IGF1R: variants seen among roughly 807,000 people sequenced by gnomAD.
The protein encoded by IGF1R is insulin-like growth factor 1 receptor.
IGF1R carries 44 observed loss-of-function variants against 144.6 expected under a neutral mutation model. The ratio of observed to expected loss-of-function variants is 0.30; its 90% CI spans 0.24 to 0.39. IGF1R has a LOEUF of 0.39. Ranked by LOEUF, IGF1R falls within the 10% of genes least tolerant of loss-of-function variation. The pLI is 1.00. For synonymous variants in IGF1R, 795 were observed against 722.8 expected (o/e 1.10, Z -1.60); for missense variants, 1,355 against 1,833.7 (o/e 0.74, Z 4.77).
At chr15:98,869,849 T>C (rs1329682634) in intron 2 of IGF1R, among the ~76,000 whole-genome samples, 1 of 152,244 alleles carries the variant, frequency 6.6e-6, no homozygotes, top group African/African-American at 2.4e-5. Context: ...AGTTTGCCTA[T>C]GTAGTCGTCC....
At chr15:98,737,281 A>G (rs145895789) in intron 2 of IGF1R, among the ~76,000 whole-genome samples, 621 of 152,280 alleles carry the variant, frequency 4.1e-3, no homozygotes, top group Middle Eastern at 6.8e-3. Context: ...CCAGCGTGGC[A>G]TTCTCTCTGG....
chr15:98,895,174 T>C (rs1045666495), intron 3 of IGF1R, among the ~76,000 whole-genome samples: 8 of 150,858 alleles, frequency 5.3e-5, no homozygotes, highest in African/African-American at 2.0e-4. Context: ...TGTATCTTGA[T>C]TGTAGTTGTG....
intron 2 of IGF1R, among the ~76,000 whole-genome samples, chr15:98,827,314 G>T (rs572291086): frequency 3.3e-5 from 5 of 152,310 alleles, no homozygotes; most frequent in Admixed American, 1.3e-4. Context: ...ACTATGCCCT[G>T]TAACCTCGTT....
chr15:98,903,071 A>G (rs1386131177), intron 5 of IGF1R, among the ~76,000 whole-genome samples: 7 of 152,238 alleles, frequency 4.6e-5, no homozygotes, highest in Non-Finnish European at 8.8e-5. Context: ...TTTCTAGAGT[A>G]ATGACCTTAG....
At chr15:98,950,550 G>A (rs557049389) in intron 20 of IGF1R, among the ~76,000 whole-genome samples, 1 of 152,220 alleles carries the variant, frequency 6.6e-6, no homozygotes, top group Non-Finnish European at 1.5e-5. Flanking sequence ...TGGAGGCCAA[G>A]GCCACTCACA....
intron 2 of IGF1R, among the ~76,000 whole-genome samples, chr15:98,773,447 G>A (rs777354916): frequency 3.1e-4 from 47 of 152,168 alleles, no homozygotes; most frequent in Admixed American, 1.4e-3. Context: ...TCCAGACAAG[G>A]CGTTCTCAAG....
intron 2 of IGF1R, among the ~76,000 whole-genome samples, chr15:98,734,295 G>T (rs116737472): frequency 3.2e-4 from 49 of 152,052 alleles, no homozygotes; most frequent in African/African-American, 1.1e-3. Flanking sequence ...GTTTTTTTCC[G>T]TGTTTTTTAA....
Position 98,650,815 on chromosome 15 carries a change from A to G in IGF1R, c.94+1140A>G, listed in dbSNP as rs922842093. On this transcript the variant is annotated intron_variant, in intron 1 of 20. Transcript: ENST00000650285. ...CCCGCACTTCCTTTGTACGTAGTTA[A>G]TAAGCAGTGTCGCTCCACATTCGCT... 2.0e-5 allele frequency: 15 copies of G among 760,004 alleles called. No individual in the cohort carries two copies. In the African/African-American group the frequency reaches 2.3e-4, roughly 11 times the overall value. 47.1% of individuals were successfully genotyped at this position (760,004 alleles called of 1,614,324 possible). A position where few individuals can be genotyped will look rare whatever the true frequency, so the allele number is the denominator to read the frequency against.
chr15:98,863,369 A>G (rs2012263211), intron 2 of IGF1R, among the ~76,000 whole-genome samples: 1 of 152,076 alleles, frequency 6.6e-6, no homozygotes, highest in Non-Finnish European at 1.5e-5. Flanking sequence ...TCTCTTTGTA[A>G]TTAGGAAGAA....
intron 2 of IGF1R, among the ~76,000 whole-genome samples, chr15:98,812,515 C>A (rs753971972): frequency 6.6e-5 from 10 of 152,058 alleles, no homozygotes; most frequent in Non-Finnish European, 1.2e-4. Flanking sequence ...TGCCACCATG[C>A]CCGGCTAATT....
At chr15:98,787,898 A>C (rs189230580) in intron 2 of IGF1R, among the ~76,000 whole-genome samples, 15 of 152,098 alleles carry the variant, frequency 9.9e-5, no homozygotes, top group Admixed American at 9.2e-4. Flanking sequence ...GAGAACATTG[A>C]ATTTGGAGAG....
intron 13 of IGF1R, among the ~76,000 whole-genome samples, chr15:98,926,293 G>A (rs1439867910): frequency 6.6e-6 from 1 of 152,154 alleles, no homozygotes; most frequent in African/African-American, 2.4e-5. Flanking sequence ...GTAGAATGGA[G>A]GTTACCAGGG....
chr15:98,817,266 C>T (rs1483268449), intron 2 of IGF1R, among the ~76,000 whole-genome samples: 3 of 151,796 alleles, frequency 2.0e-5, no homozygotes, highest in Admixed American at 6.6e-5. Context: ...CATGCCACTG[C>T]ACTCCAGACT....
intron 2 of IGF1R, among the ~76,000 whole-genome samples, chr15:98,870,904 G>C (rs1190816508): frequency 1.3e-5 from 2 of 152,230 alleles, no homozygotes; most frequent in Admixed American, 1.3e-4. Context: ...ACTGGCACCA[G>C]GATGACTTTT....
intron 2 of IGF1R, among the ~76,000 whole-genome samples, chr15:98,742,828 C>T (rs902129968): frequency 2.0e-5 from 3 of 152,022 alleles, no homozygotes; most frequent in Non-Finnish European, 2.9e-5. Flanking sequence ...GGTGGATCAC[C>T]TGAGGTCAGA....
chr15:98,764,245 A>G (rs1437699861), intron 2 of IGF1R, among the ~76,000 whole-genome samples: 1 of 152,252 alleles, frequency 6.6e-6, no homozygotes, highest in Non-Finnish European at 1.5e-5. Context: ...TTAACCAGAA[A>G]AAGTCACAGA....
chr15:98,764,426 TC>T (rs1329224414), intron 2 of IGF1R, among the ~76,000 whole-genome samples: 2 of 152,226 alleles, frequency 1.3e-5, no homozygotes, highest in East Asian at 3.8e-4. Flanking sequence ...TAATTAACCT[TC>T]CTGAGTAACA....
intron 1 of IGF1R, among the ~76,000 whole-genome samples, chr15:98,655,827 T>G (rs924451942): frequency 1.3e-5 from 2 of 151,888 alleles, no homozygotes; most frequent in African/African-American, 4.8e-5. Context: ...CCAGTGATCC[T>G]CCCAAGTAGG....
intron 2 of IGF1R, among the ~76,000 whole-genome samples, chr15:98,722,542 T>A (rs2054269649): frequency 6.6e-6 from 1 of 152,162 alleles, no homozygotes; most frequent in Admixed American, 6.5e-5. Context: ...GCCCCCCACC[T>A]CCATATGTGC....
Sources: allele counts gnomAD v4.1 joint callset (sites outside exome capture counted in the v4.1 genomes callset), GRCh38; gene constraint gnomAD v4.1.1; transcripts MANE v1.5; gene names NCBI Gene and HGNC (gene_info 2026-07-23, HGNC 2026-07-21).